Variants in ADGRL3 observed in about 807,000 individuals in gnomAD.
ADGRL3 encodes the protein adhesion G protein-coupled receptor L3, also known as calcium-independent alpha-latrotoxin receptor 3.
A neutral mutation model predicts 153.5 loss-of-function variants in ADGRL3; 62 were observed. The ratio of observed to expected loss-of-function variants is 0.40; its 90% CI spans 0.33 to 0.50. ADGRL3 has a LOEUF of 0.50. ADGRL3 is among the 20% of genes least tolerant of loss of function. ADGRL3 has a pLI of 0.47. For synonymous variants in ADGRL3, 710 were observed against 672.5 expected, an observed-to-expected ratio of 1.06 and a Z score of -0.86; for missense variants, 1,641 against 1,859.4, an observed-to-expected ratio of 0.88 and a Z score of 2.16.
At chr4:61,603,728 G>GTGTTTGTT (rs34997041) in intron 5 of ADGRL3, among the ~76,000 whole-genome samples, 20 of 151,544 alleles carry the variant, frequency 1.3e-4, no homozygotes, top group East Asian at 5.8e-4. Context: ...GTGTGTGTGT[G>GTGTTTGTT]TGTTTGTTTG....
intron 18 of ADGRL3, among the ~76,000 whole-genome samples, chr4:61,982,695 G>A (rs796621582): frequency 1.7e-4 from 26 of 152,240 alleles, no homozygotes; most frequent in African/African-American, 6.3e-4. Flanking sequence ...TTCTGACCAA[G>A]CTTGTCTAAA....
intron 1 of ADGRL3, among the ~76,000 whole-genome samples, chr4:61,306,330 C>T (rs1051254842): frequency 1.3e-5 from 2 of 151,988 alleles, no homozygotes; most frequent in African/African-American, 2.4e-5. Flanking sequence ...AAACTCCTGA[C>T]CTTGTGATCC....
chr4:61,591,741 T>C (rs1348265164), intron 5 of ADGRL3, among the ~76,000 whole-genome samples: 1 of 151,930 alleles, frequency 6.6e-6, no homozygotes, highest in African/African-American at 2.4e-5. Context: ...AGACTCAGGT[T>C]GTTCACATAT....
At chr4:62,014,165 C>T (rs1251270636) in intron 21 of ADGRL3, among the ~76,000 whole-genome samples, 3 of 152,058 alleles carry the variant, frequency 2.0e-5, no homozygotes, top group East Asian at 3.9e-4. Flanking sequence ...GGCAAAACCT[C>T]AGAGGATTTG....
intron 8 of ADGRL3, among the ~76,000 whole-genome samples, chr4:61,793,667 A>G (rs940206297): frequency 6.6e-6 from 1 of 151,618 alleles, no homozygotes. Flanking sequence ...TTCTCAACAT[A>G]CTCCTCCCCA....
chr4:61,899,491 C>A (rs961279378), intron 11 of ADGRL3, among the ~76,000 whole-genome samples: 53 of 151,924 alleles, frequency 3.5e-4, no homozygotes, highest in Non-Finnish European at 7.4e-5. Context: ...CTTTTTACCC[C>A]CAATGGAAAC....
At chr4:61,575,752 T>C (rs1290264777) in intron 4 of ADGRL3, among the ~76,000 whole-genome samples, 21 of 152,066 alleles carry the variant, frequency 1.4e-4, no homozygotes, top group Non-Finnish European at 2.9e-5. Context: ...TGAAAATTCA[T>C]TTTTCTTTCA....
intron 5 of ADGRL3, among the ~76,000 whole-genome samples, chr4:61,668,850 T>G (rs2094895249): frequency 6.6e-6 from 1 of 152,060 alleles, no homozygotes; most frequent in African/African-American, 2.4e-5. Context: ...AGACCTCATC[T>G]CTACAAAAAG....
At chr4:61,891,287 GGAA>G (rs1392251757) in intron 9 of ADGRL3, among the ~76,000 whole-genome samples, 3 of 152,066 alleles carry the variant, frequency 2.0e-5, no homozygotes, top group Non-Finnish European at 2.9e-5. Context: ...TAGTATATGT[GGAA>G]GAAGGAGGGA....
intron 4 of ADGRL3, among the ~76,000 whole-genome samples, chr4:61,563,301 C>G (rs185634893): frequency 4.6e-4 from 70 of 152,114 alleles, no homozygotes; most frequent in African/African-American, 1.6e-3. Context: ...AACAATTTGC[C>G]TAAAATATTC....
chr4:61,288,906 A>C (rs2094054147), intron 1 of ADGRL3, among the ~76,000 whole-genome samples: 1 of 152,062 alleles, frequency 6.6e-6, no homozygotes, highest in Non-Finnish European at 1.5e-5. Context: ...GGTTATACTA[A>C]ACTTGTTATA....
chr4:61,991,967 A>G (rs1239680795), intron 19 of ADGRL3, among the ~76,000 whole-genome samples: 1 of 149,306 alleles, frequency 6.7e-6, no homozygotes, highest in African/African-American at 2.4e-5. Context: ...AATAAACATG[A>G]GTGTGGTCAG....
At chr4:61,750,552 G>A (rs111381578) in intron 8 of ADGRL3, among the ~76,000 whole-genome samples, 2,303 of 152,228 alleles carry the variant, frequency 0.015, 67 homozygotes, top group African/African-American at 0.051. Flanking sequence ...AGCACTTTGG[G>A]AGGCCGAGGC....
chr4:61,639,023 A>G lies in ADGRL3; in HGVS notation c.474-37803A>G, dbSNP rs2093551469. Among the ~76,000 whole-genome samples the G allele has an allele frequency of 2.0e-5, 3 of 152,160 alleles. 1 individual carries two copies. In the South Asian group the frequency reaches 6.2e-4, roughly 31 times the overall value. ...TTATGCTGACCACATTTCCTAAGCC[A>G]GTCAGACTGTACTCCCACATCCCTC... On this transcript the variant is annotated intron_variant, in intron 5 of 26. Transcript: ENST00000683033.
At chr4:61,219,586 C>T (rs1254068142) in intron 1 of ADGRL3, among the ~76,000 whole-genome samples, 1 of 152,096 alleles carries the variant, frequency 6.6e-6, no homozygotes, top group Admixed American at 6.5e-5. Context: ...TTTCTTAGAA[C>T]AGTGGTTTAA....
chr4:61,578,426 C>T (rs1260335054), intron 4 of ADGRL3, among the ~76,000 whole-genome samples: 1 of 152,032 alleles, frequency 6.6e-6, no homozygotes, highest in East Asian at 1.9e-4. Flanking sequence ...CAGTATCTTC[C>T]TCATTAATAC....
intron 5 of ADGRL3, among the ~76,000 whole-genome samples, chr4:61,650,163 T>C (rs2150368158): frequency 6.6e-6 from 1 of 152,266 alleles, no homozygotes. Context: ...AGAGTAGATG[T>C]TTTATATGCC....
At chr4:61,617,811 C>A (rs2092164939) in intron 5 of ADGRL3, among the ~76,000 whole-genome samples, 1 of 151,906 alleles carries the variant, frequency 6.6e-6, no homozygotes, top group Non-Finnish European at 1.5e-5. Flanking sequence ...TCAACGTATT[C>A]TCTGTTAACA....
At chr4:61,539,087 A>C (rs895897781) in intron 4 of ADGRL3, among the ~76,000 whole-genome samples, 1 of 152,182 alleles carries the variant, frequency 6.6e-6, no homozygotes, top group Non-Finnish European at 1.5e-5. Flanking sequence ...CCCTTCCCCT[A>C]GTCCAGAACT....
Sources: allele counts gnomAD v4.1 joint callset (sites outside exome capture counted in the v4.1 genomes callset), GRCh38; gene constraint gnomAD v4.1.1; transcripts MANE v1.5; gene names NCBI Gene and HGNC (gene_info 2026-07-23, HGNC 2026-07-21).